Variants in USO1 observed in about 807,000 individuals in gnomAD.
USO1 encodes the protein USO1 vesicle transport factor, also known as general vesicular transport factor p115.
A neutral mutation model predicts 124.5 loss-of-function variants in USO1; 57 were observed. That is an observed-to-expected ratio of 0.46 (90% CI 0.37 to 0.57). The LOEUF is 0.57. Among genes scored for constraint, USO1 ranks in the 20% least tolerant of loss-of-function variants. The pLI is 0.00. For missense variants in USO1, 900 were observed against 1,040.6 expected, an observed-to-expected ratio of 0.86 and a Z score of 1.86; for synonymous variants, 369 against 362.8, an observed-to-expected ratio of 1.02 and a Z score of -0.19.
intron 12 of USO1, 112 bp downstream of exon 12, chr4:75,790,909 GA>G: frequency 8.5e-7 from 1 of 1,174,978 alleles, no homozygotes; most frequent in Non-Finnish European, 1.1e-6. Context: ...ATGCTTAGGA[GA>G]GAAAAAAAAA....
intron 7 of USO1, among the ~76,000 whole-genome samples, chr4:75,772,822 C>CA (rs1420759334): frequency 5.3e-5 from 8 of 152,072 alleles, no homozygotes; most frequent in Non-Finnish European, 1.2e-4. Flanking sequence ...TTAGGCCAGG[C>CA]GTGGTGGCTT....
At position 75,814,096 on chromosome 4, in the gene USO1, A is replaced by G. The variant is rs1324443012; in HGVS notation, c.*801A>G. Reference sequence around the variant, plus strand: ...TAAAAAGACCCAAAGTATGATTAATATAATTTATTGGCATTTTTGCTGAAT... The same window carrying G: ...TAAAAAGACCCAAAGTATGATTAATGTAATTTATTGGCATTTTTGCTGAAT... On this transcript the variant is annotated 3_prime_UTR_variant, in exon 24 of 24. Coordinates refer to ENST00000514213, the MANE Select transcript of USO1 (RefSeq NM_003715.4). The G allele has an allele frequency of 6.6e-6, 1 of 152,232 alleles. No homozygotes were observed. The highest frequency in any genetic ancestry group is 1.5e-5 in the Non-Finnish European group (1 of 68,044). The allele number at this position is 152,232 out of a possible 1,614,324, so 9.4% of individuals were successfully genotyped here. A position where few individuals can be genotyped will look rare whatever the true frequency, so the allele number is the denominator to read the frequency against.
intron 4 of USO1, among the ~76,000 whole-genome samples, chr4:75,768,217 T>C (rs1388471453): frequency 6.6e-6 from 1 of 152,114 alleles, no homozygotes; most frequent in Non-Finnish European, 1.5e-5. Context: ...GTTCTCACTA[T>C]GTTGCCCAGG....
chr4:75,762,650 C>A (rs924724175), intron 4 of USO1, among the ~76,000 whole-genome samples: 3 of 152,010 alleles, frequency 2.0e-5, no homozygotes, highest in Non-Finnish European at 4.4e-5. Flanking sequence ...TGTACCTGGC[C>A]AGGTACGGTG....
At chr4:75,756,183 A>AAG (rs1553898682) in intron 3 of USO1, among the ~76,000 whole-genome samples, 2 of 151,262 alleles carry the variant, frequency 1.3e-5, no homozygotes. Flanking sequence ...AAAAAAAAAA[A>AAG]AAGAAGTAGA....
chr4:75,810,380 A>G lies in USO1; in HGVS notation c.2476-52A>G, dbSNP rs1008785227. ...AAATTAAATAACCCTTTGGGAGTTCATATTGATTGTAATGTTTAAGAGACA... is the reference window on the plus strand; with the variant it reads ...AAATTAAATAACCCTTTGGGAGTTCGTATTGATTGTAATGTTTAAGAGACA... On this transcript the variant is annotated intron_variant, in intron 21 of 23. Coordinates refer to ENST00000514213, the MANE Select transcript of USO1 (RefSeq NM_003715.4). 3 of 1,522,394 alleles carry G rather than the reference A, an allele frequency of 2.0e-6. No individual in the cohort carries two copies. The African/African-American group carries it at 4.2e-5, about 21-fold the overall frequency. The allele number at this position is 1,522,394 out of a possible 1,614,324, so 94.3% of individuals were successfully genotyped here. A position where few individuals can be genotyped will look rare whatever the true frequency, so the allele number is the denominator to read the frequency against.
At chr4:75,795,348 G>T in intron 13 of USO1, 1 of 702,328 alleles carries the variant, frequency 1.4e-6, no homozygotes, top group Non-Finnish European at 2.6e-6. Flanking sequence ...TGATAAGATC[G>T]ACAGACGGGT....
At chr4:75,747,241 G>A (rs1721150671) in intron 1 of USO1, among the ~76,000 whole-genome samples, 1 of 152,132 alleles carries the variant, frequency 6.6e-6, no homozygotes, top group African/African-American at 2.4e-5. Flanking sequence ...AAAGAGCTCA[G>A]TCTAATGGTG....
rs2271473 is a variant in USO1 at position 75,787,380 on chromosome 4, T to C, written c.996+178T>C. ...ATAAAAGTATTGATTCCAAAAGATA[T>C]ACTCATCCCTCAAGTTTTATAGTAC... On this transcript the variant is annotated intron_variant, in intron 10 of 23. Coordinates refer to ENST00000514213, the MANE Select transcript of USO1 (RefSeq NM_003715.4). 1.5e-3 allele frequency among the ~76,000 whole-genome samples: 228 copies of C among 152,320 alleles called. 5 individuals are homozygous for C. In the East Asian group the frequency reaches 0.029, roughly 19 times the overall value.
intron 6 of USO1, 40 bp downstream of exon 6, chr4:75,770,964 A>C: frequency 3.7e-6 from 6 of 1,600,266 alleles, no homozygotes; most frequent in Non-Finnish European, 5.1e-6. Flanking sequence ...TGATTCAAGC[A>C]TGAGTATCAT....
intron 4 of USO1, among the ~76,000 whole-genome samples, chr4:75,760,894 C>G (rs945164361): frequency 1.3e-5 from 2 of 152,158 alleles, no homozygotes; most frequent in African/African-American, 4.8e-5. Context: ...CACTTGTAAT[C>G]CCAGCACTTT....
intron 10 of USO1, among the ~76,000 whole-genome samples, chr4:75,789,280 T>C (rs1300484068): frequency 1.8e-5 from 1 of 56,678 alleles, no homozygotes; most frequent in East Asian, 3.8e-3. Context: ...TGTTTTGTGT[T>C]GCTGTTGTTG....
intron 4 of USO1, among the ~76,000 whole-genome samples, chr4:75,766,011 C>T (rs1417678150): frequency 6.6e-6 from 1 of 152,030 alleles, no homozygotes; most frequent in Non-Finnish European, 1.5e-5. Context: ...TACCTGTTTT[C>T]CTGAAGTGGA....
intron 13 of USO1, among the ~76,000 whole-genome samples, chr4:75,798,359 A>G (rs1025200060): frequency 1.3e-5 from 2 of 152,222 alleles, no homozygotes; most frequent in Non-Finnish European, 2.9e-5. Context: ...AACCAGGTAG[A>G]TGAACAAAAC....
intron 8 of USO1, among the ~76,000 whole-genome samples, chr4:75,775,555 G>A (rs1722050175): frequency 6.6e-6 from 1 of 151,800 alleles, no homozygotes; most frequent in South Asian, 2.1e-4. Flanking sequence ...ATAAAAAGGG[G>A]GATAAGGGCC....
chr4:75,808,766 G>T (rs1226466682), intron 20 of USO1, among the ~76,000 whole-genome samples, 187 bp from the exon 21 acceptor site: 1 of 144,610 alleles, frequency 6.9e-6, no homozygotes, highest in African/African-American at 2.5e-5. Flanking sequence ...GGGATTTCAG[G>T]AGGGAGCAGA....
chr4:75,801,265 C>CT, intron 17 of USO1, 65 bp downstream of exon 17: 1 of 1,452,302 alleles, frequency 6.9e-7, no homozygotes. Flanking sequence ...TTAAGGGAGC[C>CT]TTTTTTTCTG....
At chr4:75,775,358 G>A (rs1219316458) in intron 8 of USO1, among the ~76,000 whole-genome samples, 2 of 152,110 alleles carry the variant, frequency 1.3e-5, no homozygotes, top group African/African-American at 4.8e-5. Context: ...GGCCAACATG[G>A]CAAAACCTCA....
In USO1 at chr4:75,752,531, T is replaced by C. The variant is rs1489949481; in HGVS notation, c.154-9T>C. On this transcript the variant is annotated splice_polypyrimidine_tract_variant and intron_variant, in intron 2 of 23. Transcript: ENST00000514213. ...TTACTTTAGTAACATTTTTATTTTT[T>C]ATGTGCAGAAATACCGCTTGGAAGT... The C allele has an allele frequency of 7.5e-6, 3 of 398,408 alleles. No homozygotes were observed. The highest frequency in any genetic ancestry group is 4.1e-5 in the African/African-American group (2 of 48,616). 24.7% of individuals were successfully genotyped at this position (398,408 alleles called of 1,614,324 possible).
Sources: gnomAD v4.1 joint callset for allele counts (sites outside exome capture counted in the v4.1 genomes callset) on GRCh38, gnomAD v4.1.1 for gene constraint, MANE v1.5 for transcripts, NCBI Gene and HGNC (gene_info 2026-07-23, HGNC 2026-07-21) for gene names.